The following CADPS2 variants were observed in gnomAD, a reference collection of about 807,000 sequenced individuals.
The protein encoded by CADPS2 is calcium dependent secretion activator 2.
In CADPS2, 93 loss-of-function variants were observed where a neutral mutation model predicts 172.5. That is an observed-to-expected ratio of 0.54 (90% confidence interval 0.46 to 0.64). CADPS2 has a LOEUF of 0.64. Ranked by LOEUF, CADPS2 falls within the 30% of genes least tolerant of loss-of-function variation. CADPS2 has a pLI of 0.00. For synonymous variants in CADPS2, 546 were observed against 555.2 expected, an observed-to-expected ratio of 0.98 and a Z score of 0.23; for missense variants, 1,420 against 1,565.9, an observed-to-expected ratio of 0.91 and a Z score of 1.57.
chr7:122,615,703 GTA>G (rs2074823976), intron 5 of CADPS2, among the ~76,000 whole-genome samples: 1 of 151,860 alleles, frequency 6.6e-6, no homozygotes, highest in South Asian at 2.1e-4. Context: ...AAATAATATA[GTA>G]TATATTATTG....
At chr7:122,569,246 C>T (rs1255566129) in intron 7 of CADPS2, among the ~76,000 whole-genome samples, 2 of 152,050 alleles carry the variant, frequency 1.3e-5, no homozygotes, top group Non-Finnish European at 2.9e-5. Context: ...AACAGACAAA[C>T]AGAGAGCCAA....
chr7:122,574,996 TGATAA>T (rs1201618708), intron 7 of CADPS2, among the ~76,000 whole-genome samples: 8 of 152,136 alleles, frequency 5.3e-5, no homozygotes, highest in Non-Finnish European at 1.5e-5. Context: ...CTGTAACTTT[TGATAA>T]GATGCAACGG....
At chr7:122,860,632 T>C (rs534268152) in intron 1 of CADPS2, among the ~76,000 whole-genome samples, 35 of 152,282 alleles carry the variant, frequency 2.3e-4, no homozygotes, top group African/African-American at 8.4e-4. Flanking sequence ...CAGGTTATTT[T>C]AAAATGAATG....
intron 8 of CADPS2, among the ~76,000 whole-genome samples, chr7:122,542,595 CTT>C (rs2063212457): frequency 6.6e-6 from 1 of 152,050 alleles, no homozygotes; most frequent in East Asian, 1.9e-4. Context: ...TGGAGGATAA[CTT>C]TATCTATATT....
At chr7:122,520,527 T>C (rs2060703879) in intron 8 of CADPS2, among the ~76,000 whole-genome samples, 1 of 152,044 alleles carries the variant, frequency 6.6e-6, no homozygotes, top group South Asian at 2.1e-4. Flanking sequence ...AAATTGAGAT[T>C]TAACTCATCT....
intron 6 of CADPS2, among the ~76,000 whole-genome samples, chr7:122,586,630 A>T (rs1490923031): frequency 6.6e-6 from 1 of 152,000 alleles, no homozygotes; most frequent in Non-Finnish European, 1.5e-5. Context: ...AAGAAAACAG[A>T]CATTTTCATC....
At chr7:122,571,874 T>C (rs2067306358) in intron 7 of CADPS2, among the ~76,000 whole-genome samples, 2 of 152,174 alleles carry the variant, frequency 1.3e-5, no homozygotes, top group East Asian at 3.8e-4. Context: ...AAAAAACTTA[T>C]GAAGTAACAG....
intron 5 of CADPS2, among the ~76,000 whole-genome samples, chr7:122,619,546 G>C (rs564629012): frequency 2.0e-5 from 3 of 151,996 alleles, no homozygotes; most frequent in African/African-American, 7.2e-5. Context: ...AGAATCACTT[G>C]AACCCAGGAA....
chr7:122,544,340 A>G (rs1008887545), intron 8 of CADPS2, among the ~76,000 whole-genome samples: 3 of 152,202 alleles, frequency 2.0e-5, no homozygotes, highest in Non-Finnish European at 4.4e-5. Context: ...GATGTATAAT[A>G]GAAAAAATAA....
chr7:122,614,034 G>C (rs1233142671), intron 6 of CADPS2, among the ~76,000 whole-genome samples: 1 of 152,022 alleles, frequency 6.6e-6, no homozygotes, highest in Non-Finnish European at 1.5e-5. Context: ...TCAATGCCAA[G>C]AAAGCAGCTA....
At chr7:122,836,921 A>G (rs1808644342) in intron 1 of CADPS2, among the ~76,000 whole-genome samples, 1 of 152,176 alleles carries the variant, frequency 6.6e-6, no homozygotes, top group Non-Finnish European at 1.5e-5. Context: ...CTCTGCACCA[A>G]GCGGACCTAA....
At chr7:122,456,743 G>A (rs2053831464) in intron 14 of CADPS2, among the ~76,000 whole-genome samples, 1 of 152,156 alleles carries the variant, frequency 6.6e-6, no homozygotes, top group Admixed American at 6.5e-5. Context: ...TCACACACAT[G>A]TACATCCCCC....
At chr7:122,446,647 G>T in intron 15 of CADPS2, among the ~76,000 whole-genome samples, 1 of 152,102 alleles carries the variant, frequency 6.6e-6, no homozygotes, top group East Asian at 1.9e-4. Flanking sequence ...TATATGAAAT[G>T]ATCAATACTT....
At chr7:122,790,095 G>C (rs1489523131) in intron 1 of CADPS2, among the ~76,000 whole-genome samples, 3 of 137,586 alleles carry the variant, frequency 2.2e-5, no homozygotes, top group Non-Finnish European at 3.1e-5. Context: ...AGATAAGATT[G>C]TGAATTAAAA....
At chr7:122,343,832 T>C (rs1193292319) in intron 28 of CADPS2, among the ~76,000 whole-genome samples, 5 of 152,214 alleles carry the variant, frequency 3.3e-5, no homozygotes, top group Admixed American at 3.3e-4. Flanking sequence ...ATGAAACATA[T>C]GCTTGTAAAT....
intron 9 of CADPS2, among the ~76,000 whole-genome samples, chr7:122,511,374 G>A (rs980583185): frequency 3.3e-5 from 5 of 151,924 alleles, no homozygotes; most frequent in African/African-American, 1.2e-4. Flanking sequence ...ATAAGATAAG[G>A]GGCAAAAGAT....
At chr7:122,867,831 G>A (rs569408748) in intron 1 of CADPS2, among the ~76,000 whole-genome samples, 1 of 152,172 alleles carries the variant, frequency 6.6e-6, no homozygotes, top group African/African-American at 2.4e-5. Flanking sequence ...CAATGAAAGA[G>A]AAAGCACTCC....
At chr7:122,783,417 T>C (rs1269276767) in intron 1 of CADPS2, among the ~76,000 whole-genome samples, 1 of 152,188 alleles carries the variant, frequency 6.6e-6, no homozygotes, top group African/African-American at 2.4e-5. Context: ...CAAGTTACTA[T>C]TTTTCCTGCC....
Position 122,554,637 on chromosome 7 carries a change from A to G in CADPS2, c.1388T>C (p.Met463Thr). The G allele has an allele frequency of 6.2e-7, 1 of 1,611,222 alleles. No individual in the cohort carries two copies. The highest frequency in any genetic ancestry group is 8.5e-7 in the Non-Finnish European group (1 of 1,178,532). ...ATCCTGGCTATTTTTTGGAACTACC[A>G]TTCGGTGTAATTCAGCTGATTTGGA... The part of the protein sequence containing the change: ...NSSKSAELHR[M>T]VVPKNSQDSD... The change falls in exon 8 of 30, where the codon ATG becomes ACG. Residue 463 changes from methionine to threonine, a missense_variant. Coordinates refer to ENST00000449022, the MANE Select transcript of CADPS2 (RefSeq NM_017954.11).
Sources: allele counts gnomAD v4.1 joint callset (sites outside exome capture counted in the v4.1 genomes callset), GRCh38; gene constraint gnomAD v4.1.1; transcripts MANE v1.5; gene names NCBI Gene and HGNC (gene_info 2026-07-23, HGNC 2026-07-21).